Variants in LRMDA observed in about 807,000 individuals in gnomAD.
LRMDA encodes leucine-rich melanocyte differentiation-associated protein.
In LRMDA, 18 loss-of-function variants were observed where a neutral mutation model predicts 29.8. The observed-to-expected ratio is 0.60, with a 90% CI of 0.42 to 0.90. LRMDA has a LOEUF of 0.90. Ranked by LOEUF, LRMDA falls within the 40% of genes least tolerant of loss-of-function variation. The pLI, the probability that LRMDA is intolerant of heterozygous loss-of-function variation, is 0.00. For missense variants in LRMDA, 273 were observed against 273.9 expected, an observed-to-expected ratio of 1.00 and a Z score of 0.02; for synonymous variants, 125 against 109.4, an observed-to-expected ratio of 1.14 and a Z score of -0.89.
chr10:75,680,350 A>G (rs1230087184), intron 2 of LRMDA, among the ~76,000 whole-genome samples: 2 of 152,248 alleles, frequency 1.3e-5, no homozygotes, highest in African/African-American at 4.8e-5. Flanking sequence ...GACCAGGAAA[A>G]TGTTAAGAAG....
chr10:75,513,192 T>A (rs948209879), intron 2 of LRMDA, among the ~76,000 whole-genome samples: 21 of 151,820 alleles, frequency 1.4e-4, no homozygotes, highest in Non-Finnish European at 2.6e-4. Context: ...ATTGAAGGAG[T>A]TTTTTCCCCC....
intron 2 of LRMDA, among the ~76,000 whole-genome samples, chr10:75,531,126 C>G (rs1245733491): frequency 6.6e-6 from 1 of 152,088 alleles, no homozygotes; most frequent in Non-Finnish European, 1.5e-5. Flanking sequence ...GTGCTGGTCT[C>G]TAGGGTTACA....
intron 6 of LRMDA, among the ~76,000 whole-genome samples, chr10:76,363,176 A>AGAGGGAG (rs1459442138): frequency 0.029 from 631 of 21,806 alleles, 52 homozygotes; most frequent in South Asian, 0.082. Context: ...AAAGAAAGAA[A>AGAGGGAG]GGAGGGAGGG....
intron 2 of LRMDA, among the ~76,000 whole-genome samples, chr10:75,564,470 G>C (rs1030768350): frequency 3.3e-4 from 50 of 152,234 alleles, no homozygotes; most frequent in Admixed American, 3.9e-4. Flanking sequence ...GGAACTCCCT[G>C]ACCCCTTGCG....
At chr10:76,048,259 CATTT>C (rs1848474102) in intron 4 of LRMDA, among the ~76,000 whole-genome samples, 1 of 152,040 alleles carries the variant, frequency 6.6e-6, no homozygotes, top group South Asian at 2.1e-4. Flanking sequence ...TGCACTTGTT[CATTT>C]ATTCATTCAT....
chr10:75,789,974 C>T (rs958534259), intron 2 of LRMDA, among the ~76,000 whole-genome samples: 2 of 151,954 alleles, frequency 1.3e-5, no homozygotes, highest in South Asian at 2.1e-4. Flanking sequence ...ACCAAATATA[C>T]GAGATGGTTA....
intron 6 of LRMDA, among the ~76,000 whole-genome samples, chr10:76,477,671 C>T (rs1311658583): frequency 1.3e-5 from 2 of 152,084 alleles, no homozygotes; most frequent in African/African-American, 4.8e-5. Context: ...GCTACAGTAA[C>T]CAAAACAGCA....
At chr10:76,437,735 C>T (rs1842259513) in intron 6 of LRMDA, among the ~76,000 whole-genome samples, 1 of 152,206 alleles carries the variant, frequency 6.6e-6, no homozygotes, top group Admixed American at 6.5e-5. Flanking sequence ...CACCACCTCT[C>T]CTCACCTACT....
At chr10:76,112,557 A>G (rs1849598533) in intron 5 of LRMDA, among the ~76,000 whole-genome samples, 1 of 152,242 alleles carries the variant, frequency 6.6e-6, no homozygotes, top group African/African-American at 2.4e-5. Flanking sequence ...GTCAGGGGGA[A>G]GGTCTCCCAG....
intron 2 of LRMDA, among the ~76,000 whole-genome samples, chr10:75,832,852 A>G (rs949647319): frequency 6.6e-6 from 1 of 152,216 alleles, no homozygotes; most frequent in Non-Finnish European, 1.5e-5. Context: ...CCCATTCACT[A>G]TCACGAGAAC....
At chr10:76,110,713 G>A (rs777554946) in intron 5 of LRMDA, among the ~76,000 whole-genome samples, 4 of 152,072 alleles carry the variant, frequency 2.6e-5, no homozygotes, top group Non-Finnish European at 4.4e-5. Flanking sequence ...TTCTCTTGCC[G>A]CTGCCATGTA....
intron 6 of LRMDA, among the ~76,000 whole-genome samples, chr10:76,507,202 A>T (rs1229203236): frequency 1.3e-5 from 1 of 79,836 alleles, no homozygotes; most frequent in Non-Finnish European, 4.2e-5. Flanking sequence ...AGCAATGTTG[A>T]ACATTTTTTT....
intron 5 of LRMDA, among the ~76,000 whole-genome samples, chr10:76,106,137 C>T (rs189972033): frequency 2.4e-4 from 37 of 152,284 alleles, no homozygotes; most frequent in African/African-American, 7.2e-4. Flanking sequence ...AAGCATGTGC[C>T]GAATGAGTCC....
chr10:76,522,737 C>A (rs1423678884), intron 6 of LRMDA, among the ~76,000 whole-genome samples: 1 of 152,168 alleles, frequency 6.6e-6, no homozygotes, highest in Non-Finnish European at 1.5e-5. Context: ...CCCCCGCCAC[C>A]TCTCCCTGAG....
chr10:76,187,666 G>A (rs1027883866), intron 5 of LRMDA, among the ~76,000 whole-genome samples: 8 of 152,132 alleles, frequency 5.3e-5, no homozygotes, highest in South Asian at 2.1e-4. Flanking sequence ...ATTTCAATCT[G>A]GTTGCTGGTA....
At chr10:76,112,098 G>A (rs1203429943) in intron 5 of LRMDA, among the ~76,000 whole-genome samples, 5 of 152,200 alleles carry the variant, frequency 3.3e-5, no homozygotes. Flanking sequence ...CCGGCCGAGG[G>A]AGTTAATGAA....
At chr10:76,334,302 C>A (rs1327452901) in intron 6 of LRMDA, among the ~76,000 whole-genome samples, 1 of 152,172 alleles carries the variant, frequency 6.6e-6, no homozygotes, top group Admixed American at 6.5e-5. Context: ...ATTTCCCTGT[C>A]TCTTGTAGAA....
At chr10:76,205,822 G>A (rs532341090) in intron 5 of LRMDA, among the ~76,000 whole-genome samples, 1 of 152,188 alleles carries the variant, frequency 6.6e-6, no homozygotes, top group African/African-American at 2.4e-5. Context: ...CTTGGGGGAA[G>A]TTGGCTGGTG....
intron 5 of LRMDA, chr10:76,270,582 G>C (rs943234552): frequency 6.6e-6 from 1 of 152,386 alleles, no homozygotes; most frequent in African/African-American, 2.4e-5. Flanking sequence ...ATATTTTACT[G>C]CCTGCAGCCC....
Sources: gnomAD v4.1 joint callset for allele counts (sites outside exome capture counted in the v4.1 genomes callset) on GRCh38, gnomAD v4.1.1 for gene constraint, MANE v1.5 for transcripts, NCBI Gene and HGNC (gene_info 2026-07-23, HGNC 2026-07-21) for gene names.